AGAP1: variants seen among roughly 807,000 people sequenced by gnomAD.
AGAP1 encodes the protein arf-GAP with GTPase, ANK repeat and PH domain-containing protein 1.
In AGAP1, 29 loss-of-function variants were observed where a neutral mutation model predicts 105.3. The ratio of observed to expected loss-of-function variants is 0.28; its 90% CI spans 0.21 to 0.38. AGAP1 has a LOEUF of 0.38. AGAP1 is among the 10% of genes least tolerant of loss of function. The pLI, the probability that AGAP1 is intolerant of heterozygous loss-of-function variation, is 1.00. For missense variants in AGAP1, 998 were observed against 1,165.1 expected (o/e 0.86, Z 2.09); for synonymous variants, 509 against 485.9 (o/e 1.05, Z -0.63).
intron 1 of AGAP1, among the ~76,000 whole-genome samples, chr2:235,668,216 C>T (rs1488295189): frequency 6.6e-6 from 1 of 152,158 alleles, no homozygotes; most frequent in Non-Finnish European, 1.5e-5. Flanking sequence ...ACCTAGCAGT[C>T]ACTCTGACTT....
intron 1 of AGAP1, among the ~76,000 whole-genome samples, chr2:235,512,015 AAT>A (rs1355192696): frequency 2.0e-5 from 2 of 99,668 alleles, no homozygotes; most frequent in African/African-American, 9.2e-5. Context: ...TGACTGTGTG[AAT>A]GTGTGAGGTG....
intron 1 of AGAP1, among the ~76,000 whole-genome samples, chr2:235,544,353 G>GT (rs1943554994): frequency 1.3e-5 from 2 of 152,168 alleles, no homozygotes; most frequent in Non-Finnish European, 2.9e-5. Context: ...TGCTTACGAG[G>GT]TTCTGAGTCC....
chr2:236,006,180 G>A (rs1307411499), intron 13 of AGAP1, among the ~76,000 whole-genome samples: 1 of 152,092 alleles, frequency 6.6e-6, no homozygotes. Context: ...GCTCCTGGGG[G>A]CTCCTCTGGC....
At chr2:235,899,374 A>G (rs2050954423) in intron 10 of AGAP1, among the ~76,000 whole-genome samples, 3 of 152,106 alleles carry the variant, frequency 2.0e-5, no homozygotes, top group Admixed American at 6.5e-5. Context: ...TTAGCCAGGC[A>G]TGGTTGCAGG....
intron 1 of AGAP1, among the ~76,000 whole-genome samples, chr2:235,685,335 G>A (rs1247574341): frequency 6.6e-6 from 1 of 151,778 alleles, no homozygotes; most frequent in African/African-American, 2.4e-5. Flanking sequence ...GGCTCTCAGG[G>A]CTCAGTTCTC....
At position 235,905,735 on chromosome 2, in the gene AGAP1, G is replaced by A. The variant is rs1354671405; in HGVS notation, c.1156-3003G>A. 6.6e-6 allele frequency among the ~76,000 whole-genome samples: 1 copy of A among 152,194 alleles called. No homozygotes were observed. The highest frequency in any genetic ancestry group is 1.5e-5 in the Non-Finnish European group (1 of 68,042). On this transcript the variant is annotated intron_variant, in intron 10 of 17. Coordinates refer to ENST00000304032, the MANE Select transcript of AGAP1 (RefSeq NM_001037131.3). The surrounding 1 kb of genome is among the most constrained non-coding windows in gnomAD (Gnocchi z 4.2). ...GCTGGTCTTGAACTCCTGACCTCAA[G>A]TGATCCACTCTCCTCGGCCTCCCAG... is the stretch of plus-strand genomic sequence containing the variant.
In AGAP1 at chr2:236,038,819, A is replaced by ATGTGTGTG. The variant is rs3030744; in HGVS notation, c.1801-1909_1801-1902dup. Among the ~76,000 whole-genome samples the ATGTGTGTG allele has an allele frequency of 2.1e-5, 2 of 95,750 alleles. No individual in the cohort carries two copies. The highest frequency in any genetic ancestry group is 9.6e-5 in the Admixed American group (1 of 10,408). The allele number at this position is 95,750 out of a possible 152,430, so 62.8% of individuals were successfully genotyped here. ...GAGAGACAGAGGCACATCCCTTTGT[A>ATGTGTGTG]TGTGTGTGTGTGTGTGTGTGTGTGT... On this transcript the variant is annotated intron_variant, in intron 14 of 17. Coordinates refer to ENST00000304032, the MANE Select transcript of AGAP1 (RefSeq NM_001037131.3). The surrounding 1 kb of genome is among the most constrained non-coding windows in gnomAD (Gnocchi z 4.5).
At chr2:235,813,797 A>T (rs1958294694) in intron 9 of AGAP1, among the ~76,000 whole-genome samples, 1 of 152,222 alleles carries the variant, frequency 6.6e-6, no homozygotes, top group Admixed American at 6.5e-5. Flanking sequence ...GTGTACTGGA[A>T]GAATTGGATC....
chr2:235,924,597 C>G (rs2052355307), intron 11 of AGAP1, among the ~76,000 whole-genome samples: 1 of 152,240 alleles, frequency 6.6e-6, no homozygotes, highest in African/African-American at 2.4e-5. Flanking sequence ...TGATGAGACT[C>G]CTGGATCAAA....
rs113142353 is a variant in AGAP1 at position 236,042,012 on chromosome 2, A to C, written c.1891+1171A>C. ...GAGATGCTTTTTGGGCTGGAAAACC[A>C]GTAGAAGCTAGTTGGAGTGTGAGTG... is the stretch of plus-strand genomic sequence containing the variant. On this transcript the variant is annotated intron_variant, in intron 15 of 17. Coordinates refer to ENST00000304032, the MANE Select transcript of AGAP1 (RefSeq NM_001037131.3). This position sits in a 1 kb window ranked among gnomAD's most constrained non-coding sequence, Gnocchi z 5.6. Among the ~76,000 whole-genome samples, 626 of 152,330 alleles carry C rather than the reference A, an allele frequency of 4.1e-3. 2 individuals are homozygous for C. The highest frequency in any genetic ancestry group is 9.5e-3 in the South Asian group (46 of 4,824).
intron 11 of AGAP1, among the ~76,000 whole-genome samples, chr2:235,929,999 C>T (rs1157731413): frequency 1.3e-5 from 2 of 152,146 alleles, no homozygotes; most frequent in Admixed American, 6.5e-5. Flanking sequence ...CAGACTAATT[C>T]GCTGGCAGCA....
At chr2:235,774,619 TGATTAAAATAGTC>T (rs1454977614) in intron 6 of AGAP1, 1 of 270,062 alleles carries the variant, frequency 3.7e-6, no homozygotes, top group Non-Finnish European at 7.4e-6. Context: ...CTAAATGCAG[TGATTAAAATAGTC>T]GTTAGGCTGC....
In AGAP1 at chr2:235,750,336, T is replaced by C. The variant is rs371113525; in HGVS notation, c.539-18T>C. 83 of 1,613,884 alleles carry C rather than the reference T, an allele frequency of 5.1e-5. No individual in the cohort carries two copies. Among genetic ancestry groups the C allele is most frequent in the Non-Finnish European group, 6.8e-5 (80 of 1,179,912 alleles). On this transcript the variant is annotated intron_variant, in intron 5 of 17. Coordinates refer to ENST00000304032, the MANE Select transcript of AGAP1 (RefSeq NM_001037131.3). The surrounding 1 kb of genome is among the most constrained non-coding windows in gnomAD (Gnocchi z 5.3). ...TGTCATTGTCACTGTGCCGTTACTT[T>C]TTGGTCTTCTGTTCCAGATGCCATA...
chr2:235,613,545 T>C (rs748896520), intron 1 of AGAP1, among the ~76,000 whole-genome samples: 1 of 152,174 alleles, frequency 6.6e-6, no homozygotes, highest in Non-Finnish European at 1.5e-5. Flanking sequence ...CTTAAGGAGA[T>C]AGAGGCCAGG....
At chr2:235,516,854 G>A (rs1367340415) in intron 1 of AGAP1, among the ~76,000 whole-genome samples, 2 of 152,220 alleles carry the variant, frequency 1.3e-5, no homozygotes, top group Non-Finnish European at 2.9e-5. Flanking sequence ...TTGGTGCAGT[G>A]GGACTGAACT....
intron 16 of AGAP1, among the ~76,000 whole-genome samples, chr2:236,057,168 G>A (rs1311906577): frequency 6.6e-6 from 1 of 152,140 alleles, no homozygotes; most frequent in Admixed American, 6.5e-5. Context: ...GAGTGCAGTG[G>A]TGCAATCTCG....
At chr2:235,575,274 A>G (rs1107687) in intron 1 of AGAP1, among the ~76,000 whole-genome samples, 11,279 of 152,250 alleles carry the variant, frequency 0.074, 1,200 homozygotes, top group East Asian at 0.32. Context: ...ATTACATGTC[A>G]TGTTTGTTGA....
rs543284801 is a variant in AGAP1, at chr2:236,101,405, G to A, written c.2115-18787G>A. ...CTCTGCAGCTTTTTCTGAATGTGTC[G>A]CCGTGTCATAGCCTGCGACCTTCTC... On this transcript the variant is annotated intron_variant, in intron 16 of 17. Transcript: ENST00000304032. This position sits in a 1 kb window ranked among gnomAD's most constrained non-coding sequence, Gnocchi z 4.9. Among the ~76,000 whole-genome samples, 7 of 152,214 alleles carry A rather than the reference G, an allele frequency of 4.6e-5. No homozygotes were observed. The highest frequency in any genetic ancestry group is 2.1e-4 in the South Asian group (1 of 4,818).
chr2:236,079,288 G>C (rs2058719912), intron 16 of AGAP1, among the ~76,000 whole-genome samples: 1 of 151,698 alleles, frequency 6.6e-6, no homozygotes, highest in Non-Finnish European at 1.5e-5. Flanking sequence ...GGGAGGCCAA[G>C]CGGGAGAGTT....
Sources: allele counts gnomAD v4.1 joint callset (sites outside exome capture counted in the v4.1 genomes callset), GRCh38; gene constraint gnomAD v4.1.1; non-coding constraint Gnocchi (gnomAD v3.1); transcripts MANE v1.5; gene names NCBI Gene and HGNC (gene_info 2026-07-23, HGNC 2026-07-21).